Variants in CMSS1 observed in about 807,000 individuals in gnomAD.
The protein encoded by CMSS1 is protein CMSS1.
In CMSS1, 33 loss-of-function variants were observed where a neutral mutation model predicts 43.5. That is an observed-to-expected ratio of 0.76 (90% CI 0.57 to 1.01). The LOEUF (loss-of-function observed/expected upper bound fraction) is 1.01. Among genes scored for constraint, CMSS1 ranks in the 50% least tolerant of loss-of-function variants. The pLI is 0.00. For synonymous variants in CMSS1, 115 were observed against 117.2 expected (o/e 0.98, Z 0.12); for missense variants, 313 against 326.4 (o/e 0.96, Z 0.32).
At chr3:100,143,910 T>C (rs1021266673) in intron 1 of CMSS1, among the ~76,000 whole-genome samples, 19 of 152,304 alleles carry the variant, frequency 1.2e-4, no homozygotes, top group African/African-American at 3.9e-4. Context: ...ATTTTCATAT[T>C]ATGTCTTTTT....
chr3:99,928,937 T>C (rs1340569898), intron 1 of CMSS1, among the ~76,000 whole-genome samples: 2 of 152,200 alleles, frequency 1.3e-5, no homozygotes, highest in Non-Finnish European at 2.9e-5. Context: ...TCCTTCACTA[T>C]TTGGCAAGAC....
intron 1 of CMSS1, among the ~76,000 whole-genome samples, chr3:99,999,187 A>G (rs1445588852): frequency 1.3e-5 from 2 of 152,204 alleles, no homozygotes; most frequent in African/African-American, 4.8e-5. Flanking sequence ...TTATTTTTTA[A>G]TGATCTCTAG....
chr3:99,983,102 A>G (rs2107735276), intron 1 of CMSS1, among the ~76,000 whole-genome samples: 1 of 152,208 alleles, frequency 6.6e-6, no homozygotes, highest in Middle Eastern at 3.4e-3. Context: ...CCTTTCTTTC[A>G]GATGGTGCAG....
At chr3:99,949,187 A>G (rs938101652) in intron 1 of CMSS1, among the ~76,000 whole-genome samples, 4 of 152,344 alleles carry the variant, frequency 2.6e-5, no homozygotes, top group Middle Eastern at 3.4e-3. Flanking sequence ...TAAGATTATA[A>G]CTAAAGAAAA....
intron 1 of CMSS1, among the ~76,000 whole-genome samples, chr3:99,937,322 T>C (rs1045483817): frequency 6.6e-6 from 1 of 152,228 alleles, no homozygotes; most frequent in African/African-American, 2.4e-5. Flanking sequence ...TAACATAAAT[T>C]CACAAACCCC....
intron 1 of CMSS1, among the ~76,000 whole-genome samples, chr3:99,918,652 G>A (rs1257309632): frequency 6.6e-6 from 1 of 152,020 alleles, no homozygotes; most frequent in East Asian, 1.9e-4. Flanking sequence ...GACATCTGTT[G>A]AAAGTTAAGT....
intron 1 of CMSS1, among the ~76,000 whole-genome samples, chr3:99,984,815 CT>C (rs1476081974): frequency 6.6e-6 from 1 of 152,156 alleles, no homozygotes; most frequent in Non-Finnish European, 1.5e-5. Context: ...TCATATTCAG[CT>C]AATGTTTATT....
At chr3:100,052,094 G>T (rs1340592128) in intron 1 of CMSS1, among the ~76,000 whole-genome samples, 6 of 151,868 alleles carry the variant, frequency 4.0e-5, no homozygotes, top group African/African-American at 1.2e-4. Context: ...TGTTATTTAG[G>T]CTACTAATGG....
intron 1 of CMSS1, among the ~76,000 whole-genome samples, chr3:99,880,933 T>A (rs1043932742): frequency 6.6e-6 from 1 of 152,016 alleles, no homozygotes; most frequent in African/African-American, 2.4e-5. Flanking sequence ...TATATATTTC[T>A]GAATCATGTT....
In CMSS1 at chr3:99,849,767, G is replaced by A. The variant is rs113764818; in HGVS notation, c.64+31724G>A. ...ATGGCTTTCATGTCCTTTAGCTTCA[G>A]TTTCAGTCTTTCCACTTCTTGAGAG... On this transcript the variant is annotated intron_variant, in intron 1 of 9. Coordinates refer to ENST00000421999, the MANE Select transcript of CMSS1 (RefSeq NM_032359.4). 2.7e-5 allele frequency: 44 copies of A among 1,613,450 alleles called. No homozygotes were observed. In the African/African-American group the frequency reaches 3.2e-4, roughly 12 times the overall value.
intron 1 of CMSS1, among the ~76,000 whole-genome samples, chr3:99,845,858 G>GT (rs1227491779): frequency 1.3e-5 from 2 of 152,126 alleles, no homozygotes; most frequent in Non-Finnish European, 2.9e-5. Flanking sequence ...AATCCTCCCA[G>GT]TAGAGGTACT....
chr3:100,098,684 G>A (rs1021265601), intron 1 of CMSS1, among the ~76,000 whole-genome samples: 1 of 152,158 alleles, frequency 6.6e-6, no homozygotes. Flanking sequence ...ATGCCTCACT[G>A]TGTAGCATAG....
At chr3:100,140,501 A>G (rs911251483) in intron 1 of CMSS1, among the ~76,000 whole-genome samples, 1 of 151,634 alleles carries the variant, frequency 6.6e-6, no homozygotes, top group Non-Finnish European at 1.5e-5. Flanking sequence ...AAATTCATCC[A>G]TGTTATGTTT....
chr3:100,145,868 A>G (rs2066845335), intron 1 of CMSS1, among the ~76,000 whole-genome samples: 1 of 152,258 alleles, frequency 6.6e-6, no homozygotes. Context: ...TAATCTCTCT[A>G]AAAATACCCT....
chr3:99,983,574 C>T (rs1439302341), intron 1 of CMSS1, among the ~76,000 whole-genome samples: 1 of 142,722 alleles, frequency 7.0e-6, no homozygotes, highest in Admixed American at 7.2e-5. Context: ...CCTGTAATCC[C>T]AGCTACTTGG....
At chr3:100,046,739 A>C (rs896119987) in intron 1 of CMSS1, among the ~76,000 whole-genome samples, 1 of 152,212 alleles carries the variant, frequency 6.6e-6, no homozygotes, top group Non-Finnish European at 1.5e-5. Context: ...AAATGCTCTC[A>C]AGATGGTTTT....
At chr3:99,895,266 C>T (rs1005593970) in intron 1 of CMSS1, among the ~76,000 whole-genome samples, 2 of 152,112 alleles carry the variant, frequency 1.3e-5, no homozygotes, top group Admixed American at 6.5e-5. Flanking sequence ...CTTGCAGTCA[C>T]CCATGTTCAC....
chr3:99,980,400 ACATCAGATATGTTAGGTAACTGCCC>A (rs1709087586), intron 1 of CMSS1, among the ~76,000 whole-genome samples: 1 of 152,284 alleles, frequency 6.6e-6, no homozygotes, highest in East Asian at 1.9e-4. Flanking sequence ...ATGGTATAGT[ACATCAGATATGTTAGGTAACTGCCC>A]CATCAAGGTC....
At position 100,178,478 on chromosome 3, in the gene CMSS1, C is replaced by A; in HGVS notation, c.*90C>A. 2 of 747,980 alleles carry A rather than the reference C, an allele frequency of 2.7e-6. No individual in the cohort carries two copies. Among genetic ancestry groups the A allele is most frequent in the Non-Finnish European group, 2.3e-6 (1 of 435,670 alleles). 46.3% of individuals were successfully genotyped at this position (747,980 alleles called of 1,614,324 possible). A position where few individuals can be genotyped will look rare whatever the true frequency, so the allele number is the denominator to read the frequency against. On this transcript the variant is annotated 3_prime_UTR_variant, in exon 10 of 10. Transcript: ENST00000421999. Reference sequence around the variant, plus strand: ...TACATTGCAAGCACTCAGTAAATATCAGCAAATAGTTTATGTTAATTGTGT... The same window carrying A: ...TACATTGCAAGCACTCAGTAAATATAAGCAAATAGTTTATGTTAATTGTGT...
Sources: gnomAD v4.1 joint callset for allele counts (sites outside exome capture counted in the v4.1 genomes callset) on GRCh38, gnomAD v4.1.1 for gene constraint, MANE v1.5 for transcripts, NCBI Gene and HGNC (gene_info 2026-07-23, HGNC 2026-07-21) for gene names.